DCAF1: variants seen among roughly 807,000 people sequenced by gnomAD.
The protein encoded by DCAF1 is DDB1 and CUL4 associated factor 1.
In DCAF1, 15 loss-of-function variants were observed where a neutral mutation model predicts 128.0. That is an observed-to-expected ratio of 0.12 (90% CI 0.08 to 0.18). DCAF1 has a LOEUF of 0.18. Among genes scored for constraint, DCAF1 ranks in the 10% least tolerant of loss-of-function variants. The probability of loss-of-function intolerance (pLI) is 1.00; values close to 1 mark genes in which losing one functional copy is unlikely to be tolerated. For missense variants in DCAF1, 988 were observed against 1,649.5 expected, an observed-to-expected ratio of 0.60 and a Z score of 6.95; for synonymous variants, 610 against 603.0, an observed-to-expected ratio of 1.01 and a Z score of -0.17.
At chr3:51,441,335 T>C in intron 8 of DCAF1, 50 bp downstream of exon 8, 4 of 1,547,966 alleles carry the variant, frequency 2.6e-6, no homozygotes, top group Non-Finnish European at 3.5e-6. Flanking sequence ...ACCACAGAAA[T>C]GAACACAATA....
At chr3:51,413,533 TCTAGTTAG>T in intron 20 of DCAF1, 147 bp from the exon 21 acceptor site, 1 of 1,302,228 alleles carries the variant, frequency 7.7e-7, no homozygotes, top group Non-Finnish European at 1.0e-6. Context: ...CTACTCTGCA[TCTAGTTAG>T]CTCCTCTCAG....
chr3:51,464,482 C>T (rs1342788353), intron 5 of DCAF1, among the ~76,000 whole-genome samples: 2 of 151,736 alleles, frequency 1.3e-5, no homozygotes, highest in Admixed American at 1.3e-4. Context: ...ATGGCTTGAG[C>T]CCAGGAGTTC....
intron 14 of DCAF1, 149 bp from the exon 15 acceptor site, chr3:51,421,146 G>T (rs1699354975): frequency 1.1e-6 from 1 of 896,466 alleles, no homozygotes; most frequent in Non-Finnish European, 1.6e-6. Flanking sequence ...TGTATAAAGT[G>T]CAGACAGTTC....
chr3:51,401,978 G>C (rs561576178), intron 24 of DCAF1, among the ~76,000 whole-genome samples: 1 of 149,056 alleles, frequency 6.7e-6, no homozygotes, highest in African/African-American at 2.4e-5. Context: ...CCACCCTCAA[G>C]CTTCCTCAAA....
chr3:51,464,959 TA>T (rs1483847239), intron 5 of DCAF1, among the ~76,000 whole-genome samples: 5 of 152,112 alleles, frequency 3.3e-5, no homozygotes, highest in Non-Finnish European at 7.4e-5. Context: ...CTAAGAAACT[TA>T]AAATTTGTCC....
chr3:51,461,167 C>A (rs1368784002), intron 6 of DCAF1, among the ~76,000 whole-genome samples: 1 of 151,750 alleles, frequency 6.6e-6, no homozygotes, highest in Admixed American at 6.6e-5. Context: ...ACTCATCTGA[C>A]AAAGGGCTAA....
chr3:51,444,238 C>T (rs1701629692), intron 6 of DCAF1, among the ~76,000 whole-genome samples: 1 of 152,080 alleles, frequency 6.6e-6, no homozygotes, highest in South Asian at 2.1e-4. Flanking sequence ...CCATGATCAA[C>T]TGGGGATCAC....
intron 9 of DCAF1, among the ~76,000 whole-genome samples, chr3:51,436,633 G>A (rs1559508515): frequency 6.6e-6 from 1 of 152,172 alleles, no homozygotes; most frequent in Non-Finnish European, 1.5e-5. Flanking sequence ...TAAAGGATCT[G>A]TGTAGTTTGA....
intron 9 of DCAF1, among the ~76,000 whole-genome samples, chr3:51,433,699 G>A (rs1700573693): frequency 2.0e-5 from 3 of 151,230 alleles, no homozygotes; most frequent in African/African-American, 7.3e-5. Context: ...CTGACCTCAG[G>A]TGATCCGCCC....
At position 51,405,570 on chromosome 3, in the gene DCAF1, C is replaced by T. The variant is rs545055339; in HGVS notation, c.4213-2175G>A. Among the ~76,000 whole-genome samples, 16 of 152,300 alleles carry T rather than the reference C, an allele frequency of 1.1e-4. No homozygotes were observed. In the South Asian group the frequency reaches 2.7e-3, roughly 26 times the overall value. ...TCTCAAGTTGAGCACCTCACTTTGT[C>T]GTCTCTACTTTGTATTTAATGCCCA... On this transcript the variant is annotated intron_variant, in intron 23 of 24. Transcript: ENST00000684031.
intron 18 of DCAF1, among the ~76,000 whole-genome samples, chr3:51,416,335 A>C (rs1452614600): frequency 6.6e-6 from 1 of 152,024 alleles, no homozygotes; most frequent in Non-Finnish European, 1.5e-5. Flanking sequence ...CGTTTCCTTC[A>C]AGGCTCTGCT....
intron 12 of DCAF1, among the ~76,000 whole-genome samples, chr3:51,428,281 C>G (rs1435355227): frequency 6.7e-6 from 1 of 150,128 alleles, no homozygotes; most frequent in African/African-American, 2.5e-5. Context: ...ACTCGAGTGA[C>G]TCTCCCATCT....
In DCAF1 at chr3:51,441,063, G is replaced by A. The variant is rs781986539; in HGVS notation, c.1035C>T (p.Pro345=). The change falls in exon 9 of 25, where the codon CCC becomes CCT. Residue 345 remains proline, a synonymous_variant. Transcript: ENST00000684031. ...CCCGTGATCCAAGTTGCATGAATAT[G>A]GGAAGTAGCTGAAATGAACACCAAA... The part of the protein sequence containing the change: ...TPLGEYQELL[P]IFMQLGSREL... 1.4e-5 allele frequency: 23 copies of A among 1,610,126 alleles called. No homozygotes were observed. The highest frequency in any genetic ancestry group is 3.3e-4 in the Middle Eastern group (2 of 6,078).
chr3:51,414,585 G>T, intron 19 of DCAF1, 39 bp downstream of exon 19: 3 of 1,601,006 alleles, frequency 1.9e-6, no homozygotes, highest in South Asian at 1.1e-5. Flanking sequence ...CCACAAACCA[G>T]ACAACAAATG....
chr3:51,502,951 A>G (rs548306374), upstream of DCAF1, among the ~76,000 whole-genome samples: 1 of 152,334 alleles, frequency 6.6e-6, no homozygotes, highest in South Asian at 2.1e-4. Context: ...AAGCATGCAC[A>G]CTGTGCATTA....
Position 51,452,993 on chromosome 3 carries a change from G to A in DCAF1, c.376-9090C>T, listed in dbSNP as rs570105838. On this transcript the variant is annotated intron_variant, in intron 6 of 24. Transcript: ENST00000684031. Reference sequence around the variant, plus strand: ...ATCACACTATTGCACTCCAGCCTGGGCAACAGAGTGAGGCTCTGTCTCAAA... The same window carrying A: ...ATCACACTATTGCACTCCAGCCTGGACAACAGAGTGAGGCTCTGTCTCAAA... Among the ~76,000 whole-genome samples, 9 of 150,190 alleles carry A rather than the reference G, an allele frequency of 6.0e-5. No homozygotes were observed. The South Asian group carries it at 1.7e-3, about 28-fold the overall frequency.
chr3:51,446,891 T>C (rs1701903788), intron 6 of DCAF1, among the ~76,000 whole-genome samples: 1 of 149,820 alleles, frequency 6.7e-6, no homozygotes, highest in African/African-American at 2.5e-5. Context: ...GCCCGGAAGG[T>C]GGAGATTGCA....
At position 51,478,449 on chromosome 3, in the gene DCAF1, C is replaced by T. The variant is rs147818129; in HGVS notation, c.110+5270G>A. Among the ~76,000 whole-genome samples, 4 of 152,162 alleles carry T rather than the reference C, an allele frequency of 2.6e-5. No homozygotes were observed. The East Asian group carries it at 5.8e-4, about 22-fold the overall frequency. On this transcript the variant is annotated intron_variant, in intron 3 of 24. Transcript: ENST00000684031. ...ATGTAAAATAATGTTGAAAATAAAA[C>T]ATTAAGTACTTTTAGTATAAGTGCT...
intron 6 of DCAF1, among the ~76,000 whole-genome samples, chr3:51,455,893 G>A (rs921002242): frequency 1.3e-5 from 2 of 151,682 alleles, no homozygotes; most frequent in African/African-American, 4.8e-5. Context: ...GCAAGACTCT[G>A]TCTCAAAAAA....
Sources: gnomAD v4.1 joint callset for allele counts (sites outside exome capture counted in the v4.1 genomes callset) on GRCh38, gnomAD v4.1.1 for gene constraint, MANE v1.5 for transcripts, NCBI Gene and HGNC (gene_info 2026-07-23, HGNC 2026-07-21) for gene names.